Variants in ZNF880 observed in about 807,000 individuals in gnomAD.
ZNF880 encodes zinc finger protein LOC400713.
Under a neutral mutation model 11.8 loss-of-function variants are expected in ZNF880, and 12 were observed. The observed-to-expected ratio is 1.02, with a 90% CI of 0.65 to 1.65. The LOEUF is 1.65. Ranked by LOEUF, ZNF880 falls within the 40% of genes most tolerant of loss-of-function variation. ZNF880 has a pLI of 0.00. For synonymous variants in ZNF880, 210 were observed against 232.4 expected (o/e 0.90, Z 0.88); for missense variants, 601 against 673.9 (o/e 0.89, Z 1.20).
In ZNF880 at chr19:52,384,295, C is replaced by G. The variant is rs753050637; in HGVS notation, c.715C>G (p.Pro239Ala). The change falls in exon 4 of 4, where the codon CCT becomes GCT. Residue 239 changes from proline (P) to alanine (A), a missense_variant. By Grantham distance (27) the Pro-to-Ala change is conservative. This residue lies in a region of ZNF880 where 420 missense variants were observed against 442.6 expected (regional missense o/e 0.95). Coordinates refer to ENST00000422689, the MANE Select transcript of ZNF880 (RefSeq NM_001145434.2). ...TCAAAGAATTCATACTGGAGAGAAG[C>G]CTTACAAGTGTCATGAATGTGGCAA... ...QHQRIHTGEK[P>A]YKCHECGKLF... 3.1e-5 allele frequency: 50 copies of G among 1,597,998 alleles called. No individual in the cohort carries two copies. The highest frequency in any genetic ancestry group is 4.0e-5 in the Non-Finnish European group (47 of 1,171,862).
chr19:52,370,173 C>T (rs1986321352), intron 1 of ZNF880, 196 bp downstream of exon 1: 2 of 676,238 alleles, frequency 3.0e-6, no homozygotes, highest in East Asian at 2.8e-5. Context: ...GTCCTGTCCC[C>T]GGTCTTTCAC....
chr19:52,395,525 G>C, the ZNF880 span: 1 of 152,116 alleles, frequency 6.6e-6, no homozygotes, highest in Non-Finnish European at 1.5e-5. Context: ...TGTCTGAGTT[G>C]AGTGAGAGAT....
Position 52,374,335 on chromosome 19 carries a change from T to G in ZNF880, c.176T>G (p.Leu59Trp). The G allele has an allele frequency of 6.2e-7, 1 of 1,613,868 alleles. No individual in the cohort carries two copies. ...CLPDLSVISM[L>W]EQRRDPRNLQ... ...CCTGACCTGAGTGTTATCTCCATGT[T>G]GGAGCAAAGGAGAGATCCCCGGAAT... is the stretch of plus-strand genomic sequence containing the variant. Residue 59 changes from leucine to tryptophan, a missense_variant, in exon 3 of 4, where the codon TTG becomes TGG. Coordinates refer to ENST00000422689, the MANE Select transcript of ZNF880 (RefSeq NM_001145434.2).
At chr19:52,376,358 T>G (rs1296182838) in intron 3 of ZNF880, among the ~76,000 whole-genome samples, 1 of 152,170 alleles carries the variant, frequency 6.6e-6, no homozygotes, top group Admixed American at 6.6e-5. Context: ...TGGCCATTCT[T>G]GCAGGAGTAA....
At chr19:52,374,648 T>C (rs988465113) in intron 3 of ZNF880, 10 of 677,754 alleles carry the variant, frequency 1.5e-5, no homozygotes, top group Admixed American at 2.4e-5. Flanking sequence ...AACCACACTT[T>C]GAGTTTCTGT....
upstream of ZNF880, chr19:52,367,049 G>A (rs536335855): frequency 4.1e-5 from 15 of 363,984 alleles, no homozygotes; most frequent in South Asian, 5.0e-4. Flanking sequence ...TGCTGGCACC[G>A]TAATTTGTAA....
At chr19:52,393,411 CT>C in the ZNF880 span, among the ~76,000 whole-genome samples, 63 of 146,370 alleles carry the variant, frequency 4.3e-4, no homozygotes, top group Admixed American at 1.4e-3. Context: ...TTCTTTCTTT[CT>C]TTTTTTTTTT....
intron 1 of ZNF880, among the ~76,000 whole-genome samples, chr19:52,372,318 C>T (rs536077243): frequency 8.9e-4 from 130 of 146,848 alleles, no homozygotes; most frequent in Middle Eastern, 6.9e-3. Flanking sequence ...GACAGAGTCT[C>T]GCTCAGTTGC....
chr19:52,388,065 AG>A (rs2122438339), downstream of ZNF880, among the ~76,000 whole-genome samples: 1 of 111,560 alleles, frequency 9.0e-6, no homozygotes, highest in South Asian at 2.5e-4. Flanking sequence ...TTTTTAGTAG[AG>A]ACAAGGTTTC....
At chr19:52,371,187 A>G (rs914420735) in intron 1 of ZNF880, among the ~76,000 whole-genome samples, 5 of 152,114 alleles carry the variant, frequency 3.3e-5, no homozygotes, top group Admixed American at 2.0e-4. Flanking sequence ...AAATTGTTCT[A>G]CACTGTTATG....
the ZNF880 span, chr19:52,390,847 G>A: frequency 6.6e-6 from 1 of 152,556 alleles, no homozygotes; most frequent in Non-Finnish European, 1.5e-5. Flanking sequence ...CAGGAGAATC[G>A]CTTTTACCCG....
the ZNF880 span, among the ~76,000 whole-genome samples, chr19:52,395,187 C>T: frequency 0.19 from 29,335 of 152,098 alleles, 3,455 homozygotes; most frequent in East Asian, 0.36. Context: ...ACTGTGATTA[C>T]AGGCCTCAGA....
chr19:52,367,097 A>G (rs967817108), upstream of ZNF880: 2 of 266,700 alleles, frequency 7.5e-6, no homozygotes, highest in Non-Finnish European at 1.4e-5. Flanking sequence ...TCATGTTTTA[A>G]GTAATAAAGT....
upstream of ZNF880, chr19:52,369,839 A>T (rs1325958214): frequency 3.2e-6 from 4 of 1,244,500 alleles, no homozygotes; most frequent in African/African-American, 1.5e-5. Context: ...AAACGAGACG[A>T]GCTGGGAGCG....
chr19:52,369,812 G>A (rs573225330), upstream of ZNF880: 19 of 846,998 alleles, frequency 2.2e-5, no homozygotes, highest in East Asian at 1.1e-4. Context: ...CAGTCTCCAC[G>A]GCAGGTCTAG....
intron 3 of ZNF880, chr19:52,379,526 G>T: frequency 2.3e-6 from 1 of 435,832 alleles, no homozygotes; most frequent in Non-Finnish European, 4.6e-6. Flanking sequence ...CTCCCCAAGT[G>T]CTAGGATTAC....
Position 52,385,693 on chromosome 19 carries a change from T to G in ZNF880, c.*379T>G, listed in dbSNP as rs979778635. 5.5e-6 allele frequency: 1 copy of G among 181,166 alleles called. No individual in the cohort carries two copies. The highest frequency in any genetic ancestry group is 2.6e-5 in the African/African-American group (1 of 38,372). 11.2% of individuals were successfully genotyped at this position (181,166 alleles called of 1,614,324 possible). ...AGAAAAGTCACAGCTCCAAATACGT[T>G]GAATCTCATGACGCGATGCATGTCG... On this transcript the variant is annotated 3_prime_UTR_variant, in exon 4 of 4. Transcript: ENST00000422689.
downstream of ZNF880, chr19:52,390,292 C>G: frequency 2.7e-6 from 1 of 372,074 alleles, no homozygotes; most frequent in Non-Finnish European, 5.5e-6. Context: ...ATCTGCTCCG[C>G]TCCCTCGTCA....
the ZNF880 span, among the ~76,000 whole-genome samples, chr19:52,396,087 T>C: frequency 6.6e-6 from 1 of 151,172 alleles, no homozygotes; most frequent in African/African-American, 2.4e-5. Flanking sequence ...CTCGAGTAGC[T>C]GGGACTACAG....
Sources: allele counts gnomAD v4.1 joint callset (sites outside exome capture counted in the v4.1 genomes callset), GRCh38; gene constraint gnomAD v4.1.1; regional missense constraint gnomAD v4.1.1; transcripts MANE v1.5; gene names NCBI Gene and HGNC (gene_info 2026-07-23, HGNC 2026-07-21).